The following GLG1 variants were observed in gnomAD, a reference collection of about 807,000 sequenced individuals.
GLG1 encodes the protein golgi glycoprotein 1, also known as Golgi apparatus protein 1.
In GLG1, 38 loss-of-function variants were observed where a neutral mutation model predicts 160.5. That is an observed-to-expected ratio of 0.24 (90% confidence interval 0.18 to 0.31). The LOEUF (loss-of-function observed/expected upper bound fraction) is 0.31, where lower values mean the gene tolerates loss of function less well. Among genes scored for constraint, GLG1 ranks in the 10% least tolerant of loss-of-function variants. The pLI is 1.00. For missense variants in GLG1, 1,373 were observed against 1,505.2 expected, an observed-to-expected ratio of 0.91 and a Z score of 1.45; for synonymous variants, 644 against 543.4, an observed-to-expected ratio of 1.19 and a Z score of -2.57.
At chr16:74,465,336 G>A (rs891028470) in intron 19 of GLG1, among the ~76,000 whole-genome samples, 7 of 152,172 alleles carry the variant, frequency 4.6e-5, no homozygotes, top group East Asian at 1.9e-4. Flanking sequence ...ACTATTAATC[G>A]TCCTCAAAAC....
chr16:74,557,142 T>C (rs1241068878), intron 1 of GLG1, among the ~76,000 whole-genome samples: 2 of 152,208 alleles, frequency 1.3e-5, no homozygotes, highest in Admixed American at 6.5e-5. Flanking sequence ...ATTACAATCA[T>C]TGTATAAAGA....
chr16:74,459,158 A>G (rs766918302), intron 23 of GLG1, among the ~76,000 whole-genome samples: 15 of 152,204 alleles, frequency 9.9e-5, no homozygotes, highest in African/African-American at 1.4e-4. Context: ...ATTATTCAAT[A>G]ATGACATCAG....
chr16:74,490,654 G>C (rs905665845), intron 8 of GLG1, among the ~76,000 whole-genome samples: 1 of 152,164 alleles, frequency 6.6e-6, no homozygotes, highest in African/African-American at 2.4e-5. Flanking sequence ...TCTTGGTAGA[G>C]GGCCTGTCGT....
intron 1 of GLG1, among the ~76,000 whole-genome samples, chr16:74,553,302 T>C (rs1371635811): frequency 6.6e-6 from 1 of 152,048 alleles, no homozygotes; most frequent in Non-Finnish European, 1.5e-5. Flanking sequence ...GGTCAAGTGA[T>C]GCTTCTGCTT....
intron 1 of GLG1, among the ~76,000 whole-genome samples, chr16:74,574,185 C>T (rs1597361934): frequency 2.0e-5 from 3 of 152,320 alleles, no homozygotes; most frequent in Admixed American, 2.0e-4. Flanking sequence ...GTGGAAAAAA[C>T]AATTACTATG....
In GLG1 at chr16:74,470,138, G is replaced by A. The variant is rs921216587; in HGVS notation, c.2230-65C>T. 1.7e-5 allele frequency: 16 copies of A among 953,478 alleles called. No individual in the cohort carries two copies. The African/African-American group carries it at 1.8e-4, about 11-fold the overall frequency. 59.1% of individuals were successfully genotyped at this position (953,478 alleles called of 1,614,324 possible). A position where few individuals can be genotyped will look rare whatever the true frequency, so the allele number is the denominator to read the frequency against. ...AACTTGTGGTCAGTAGTGGTAGGGC[G>A]CACTTTTTCATATAGCTCTCACAAG... On this transcript the variant is annotated intron_variant, in intron 15 of 25. Coordinates refer to ENST00000422840, the MANE Select transcript of GLG1 (RefSeq NM_001145667.2).
intron 1 of GLG1, among the ~76,000 whole-genome samples, chr16:74,594,040 G>A (rs568143456): frequency 6.6e-6 from 1 of 152,186 alleles, no homozygotes; most frequent in Admixed American, 6.5e-5. Context: ...CTGAGTAGCT[G>A]GGGTTACAGG....
intron 10 of GLG1, 47 bp downstream of exon 10, chr16:74,482,976 G>A: frequency 1.0e-6 from 1 of 955,928 alleles, no homozygotes; most frequent in Non-Finnish European, 1.7e-6. Flanking sequence ...GACTACACAG[G>A]AGAAGAGGCT....
intron 2 of GLG1, among the ~76,000 whole-genome samples, chr16:74,518,146 T>C (rs2017041860): frequency 6.6e-6 from 1 of 152,164 alleles, no homozygotes; most frequent in Non-Finnish European, 1.5e-5. Flanking sequence ...ATAGAGTCAA[T>C]GCTATCCTCA....
rs1597383541 is a variant in GLG1, at chr16:74,595,995, T to C, written c.438+10662A>G. Among the ~76,000 whole-genome samples the C allele has an allele frequency of 7.2e-5, 11 of 151,904 alleles. No homozygotes were observed. In the South Asian group the frequency reaches 2.3e-3, roughly 32 times the overall value. ...AAAATTTGCCAGCCATGGTGCCACATGCCCATAGTCGCAGCCACTCGGGAG... is the reference window on the plus strand; with the variant it reads ...AAAATTTGCCAGCCATGGTGCCACACGCCCATAGTCGCAGCCACTCGGGAG... On this transcript the variant is annotated intron_variant, in intron 1 of 25. Transcript: ENST00000422840.
At chr16:74,549,094 CCT>C (rs937453068) in intron 1 of GLG1, among the ~76,000 whole-genome samples, 4 of 152,186 alleles carry the variant, frequency 2.6e-5, no homozygotes, top group Non-Finnish European at 4.4e-5. Context: ...CTTATACATT[CCT>C]CTCTGAGCTT....
intron 1 of GLG1, among the ~76,000 whole-genome samples, chr16:74,543,638 A>G (rs1480773784): frequency 6.6e-6 from 1 of 152,184 alleles, no homozygotes; most frequent in Non-Finnish European, 1.5e-5. Context: ...AATTACCACT[A>G]TATCAAACTA....
chr16:74,578,206 G>T (rs945587881), intron 1 of GLG1, among the ~76,000 whole-genome samples: 1 of 152,112 alleles, frequency 6.6e-6, no homozygotes, highest in African/African-American at 2.4e-5. Context: ...CATGACTGAT[G>T]AATAAGACTG....
intron 2 of GLG1, among the ~76,000 whole-genome samples, chr16:74,521,396 G>T (rs1043651624): frequency 6.6e-6 from 1 of 152,162 alleles, no homozygotes; most frequent in Non-Finnish European, 1.5e-5. Flanking sequence ...GGCCAACACA[G>T]AAGTCCCGGA....
At chr16:74,489,684 A>G (rs1188754389) in intron 8 of GLG1, among the ~76,000 whole-genome samples, 1 of 152,174 alleles carries the variant, frequency 6.6e-6, no homozygotes, top group East Asian at 1.9e-4. Context: ...AGATTCCAGA[A>G]GCCTTCCCTC....
intron 1 of GLG1, among the ~76,000 whole-genome samples, chr16:74,565,544 CAT>C (rs1448970660): frequency 6.6e-6 from 1 of 152,214 alleles, no homozygotes; most frequent in Non-Finnish European, 1.5e-5. Flanking sequence ...ATACTTCACT[CAT>C]AGACCGCCAA....
At chr16:74,570,197 T>C (rs1273869441) in intron 1 of GLG1, among the ~76,000 whole-genome samples, 6 of 152,296 alleles carry the variant, frequency 3.9e-5, no homozygotes, top group Middle Eastern at 3.4e-3. Context: ...ACATCACCTA[T>C]TTCCTTCTAG....
At chr16:74,549,844 T>G (rs2018149655) in intron 1 of GLG1, among the ~76,000 whole-genome samples, 2 of 151,882 alleles carry the variant, frequency 1.3e-5, no homozygotes, top group African/African-American at 4.8e-5. Flanking sequence ...CTGAGCGTGG[T>G]GGCTCACGCC....
intron 9 of GLG1, among the ~76,000 whole-genome samples, chr16:74,483,888 T>C (rs958741643): frequency 1.3e-5 from 2 of 152,174 alleles, no homozygotes; most frequent in African/African-American, 4.8e-5. Flanking sequence ...CTCGATCTCC[T>C]GACCTCGTGA....
Sources: gnomAD v4.1 joint callset for allele counts (sites outside exome capture counted in the v4.1 genomes callset) on GRCh38, gnomAD v4.1.1 for gene constraint, MANE v1.5 for transcripts, NCBI Gene and HGNC (gene_info 2026-07-23, HGNC 2026-07-21) for gene names.